The following EYS variants were observed in gnomAD, a reference collection of about 807,000 sequenced individuals.
The protein encoded by EYS is EGF-like photoreceptor maintenance factor, also known as protein eyes shut homolog.
A neutral mutation model predicts 282.1 loss-of-function variants in EYS; 250 were observed. The observed-to-expected ratio is 0.89, with a 90% CI of 0.80 to 0.98. The LOEUF (loss-of-function observed/expected upper bound fraction) is 0.98. Ranked by LOEUF, EYS falls within the 50% of genes least tolerant of loss-of-function variation. The pLI, the probability that EYS is intolerant of heterozygous loss-of-function variation, is 0.00. For synonymous variants in EYS, 1,355 were observed against 1,282.9 expected, an observed-to-expected ratio of 1.06 and a Z score of -1.20; for missense variants, 4,016 against 3,709.0, an observed-to-expected ratio of 1.08 and a Z score of -2.15.
intron 12 of EYS, among the ~76,000 whole-genome samples, chr6:65,215,758 T>C (rs1341433265): frequency 6.6e-6 from 1 of 152,150 alleles, no homozygotes; most frequent in East Asian, 1.9e-4. Flanking sequence ...ACAGTCTCTT[T>C]AGCATTCAGC....
At chr6:65,700,637 T>C (rs1279726967) in intron 1 of EYS, among the ~76,000 whole-genome samples, 1 of 152,208 alleles carries the variant, frequency 6.6e-6, no homozygotes, top group Non-Finnish European at 1.5e-5. Context: ...TCAGGCATAC[T>C]TTTTTACATT....
chr6:64,960,475 T>C (rs888809028), intron 14 of EYS, among the ~76,000 whole-genome samples: 2 of 152,168 alleles, frequency 1.3e-5, no homozygotes, highest in Non-Finnish European at 2.9e-5. Context: ...ATAACTTTGT[T>C]TTTTCCAATA....
chr6:64,144,204 A>T (rs751487422), intron 31 of EYS, among the ~76,000 whole-genome samples: 1 of 152,184 alleles, frequency 6.6e-6, no homozygotes, highest in African/African-American at 2.4e-5. Context: ...GTCTAGAATT[A>T]TGCCACAGCA....
At chr6:64,422,515 G>C (rs1774269038) in intron 28 of EYS, among the ~76,000 whole-genome samples, 1 of 152,190 alleles carries the variant, frequency 6.6e-6, no homozygotes, top group Admixed American at 6.5e-5. Context: ...AATTGGAATG[G>C]CTGGGATGCC....
intron 2 of EYS, among the ~76,000 whole-genome samples, chr6:65,620,253 A>C (rs886810268): frequency 6.6e-6 from 1 of 152,134 alleles, no homozygotes; most frequent in Non-Finnish European, 1.5e-5. Flanking sequence ...GTCTATTCAG[A>C]GATTCAGCTT....
intron 16 of EYS, among the ~76,000 whole-genome samples, chr6:64,904,233 G>A (rs905489498): frequency 6.6e-6 from 1 of 152,134 alleles, no homozygotes; most frequent in African/African-American, 2.4e-5. Flanking sequence ...TTCAGGACAA[G>A]CAATATTTTT....
intron 31 of EYS, among the ~76,000 whole-genome samples, chr6:64,180,393 A>T (rs115455816): frequency 0.014 from 2,120 of 152,236 alleles, 59 homozygotes; most frequent in African/African-American, 0.047. Flanking sequence ...TACCGACCAA[A>T]AATAGGTCAA....
intron 28 of EYS, among the ~76,000 whole-genome samples, chr6:64,428,789 T>C (rs1582741423): frequency 6.6e-6 from 1 of 152,316 alleles, no homozygotes; most frequent in African/African-American, 2.4e-5. Context: ...TTTCAAAATA[T>C]ATTTTGAAAT....
At chr6:63,825,482 CA>C (rs1386102810) in intron 36 of EYS, among the ~76,000 whole-genome samples, 4 of 152,224 alleles carry the variant, frequency 2.6e-5, no homozygotes, top group African/African-American at 9.6e-5. Flanking sequence ...AGGACCCTCA[CA>C]GAGTCCATCG....
Position 65,272,970 on chromosome 6 carries a change from C to T in EYS, c.2023+22893G>A, listed in dbSNP as rs140363022. Among the ~76,000 whole-genome samples the T allele has an allele frequency of 5.1e-3, 783 of 152,098 alleles. 6 individuals carry two copies. Among genetic ancestry groups the T allele is most frequent in the African/African-American group, 0.018 (751 of 41,486 alleles). On this transcript the variant is annotated intron_variant, in intron 12 of 42. Transcript: ENST00000503581. ...GTCACAGTGCTCTTGCATTTTGGGG[C>T]CTTTATTAAGTAATGTAAACGTTAC...
At chr6:64,925,372 A>C (rs1450204022) in intron 15 of EYS, among the ~76,000 whole-genome samples, 3 of 151,916 alleles carry the variant, frequency 2.0e-5, no homozygotes, top group Non-Finnish European at 4.4e-5. Context: ...GCACAACCAA[A>C]CTCTATCAGT....
intron 35 of EYS, among the ~76,000 whole-genome samples, chr6:63,890,860 GAGAGAGAAGAATCAAATAGACAC>G (rs1221488439): frequency 5.3e-5 from 8 of 151,772 alleles, no homozygotes; most frequent in African/African-American, 1.9e-4. Context: ...CTAAGAACAA[GAGAGAGAAGAATCAAATAGACAC>G]AATAAAAAGT....
At chr6:64,189,012 GATA>G (rs1437757766) in intron 31 of EYS, among the ~76,000 whole-genome samples, 1 of 152,034 alleles carries the variant, frequency 6.6e-6, no homozygotes, top group Non-Finnish European at 1.5e-5. Flanking sequence ...ATCATTGTTA[GATA>G]ATAATAATGT....
chr6:64,071,282 G>A (rs558398987), intron 32 of EYS, among the ~76,000 whole-genome samples: 212 of 152,110 alleles, frequency 1.4e-3, no homozygotes, highest in African/African-American at 4.1e-3. Flanking sequence ...ACCTTTCTTT[G>A]TCTCTGAGCT....
At chr6:64,863,079 C>A (rs1465041466) in intron 19 of EYS, among the ~76,000 whole-genome samples, 2 of 152,056 alleles carry the variant, frequency 1.3e-5, no homozygotes, top group East Asian at 1.9e-4. Context: ...TTCCATTATT[C>A]TTTTATTAGC....
At chr6:63,840,154 C>T (rs112776014) in intron 36 of EYS, among the ~76,000 whole-genome samples, 18,290 of 149,760 alleles carry the variant, frequency 0.12, 1,365 homozygotes, top group African/African-American at 0.2. Flanking sequence ...TTCATGCCAT[C>T]CTCCTGCCTC....
intron 2 of EYS, among the ~76,000 whole-genome samples, chr6:65,565,506 T>C: frequency 6.6e-6 from 1 of 151,994 alleles, no homozygotes. Flanking sequence ...GGTGGGAGTA[T>C]AAATTAGTGC....
At chr6:64,192,488 G>T (rs13212514) in intron 31 of EYS, among the ~76,000 whole-genome samples, 4 of 151,946 alleles carry the variant, frequency 2.6e-5, no homozygotes, top group Admixed American at 6.6e-5. Flanking sequence ...CAGAGATATA[G>T]ATCAATGGAA....
Position 64,037,279 on chromosome 6 carries a change from A to C in EYS, c.6725+29059T>G, listed in dbSNP as rs1225859183. Among the ~76,000 whole-genome samples the C allele has an allele frequency of 1.3e-5, 2 of 152,342 alleles. 1 individual carries two copies. The highest frequency in any genetic ancestry group is 4.1e-4 in the South Asian group (2 of 4,826). On this transcript the variant is annotated intron_variant, in intron 33 of 42. Transcript: ENST00000503581. ...CATTAGTCATTTTTAACCACATTATACATTAACACTTCAGTACACTTCACA... is the reference window on the plus strand; with the variant it reads ...CATTAGTCATTTTTAACCACATTATCCATTAACACTTCAGTACACTTCACA...
Sources: allele counts gnomAD v4.1 joint callset (sites outside exome capture counted in the v4.1 genomes callset), GRCh38; gene constraint gnomAD v4.1.1; transcripts MANE v1.5; gene names NCBI Gene and HGNC (gene_info 2026-07-23, HGNC 2026-07-21).